Variants in USH2A observed in about 807,000 individuals in gnomAD.
The protein encoded by USH2A is usherin.
Under a neutral mutation model 538.9 loss-of-function variants are expected in USH2A, and 443 were observed. The ratio of observed to expected loss-of-function variants is 0.82; its 90% confidence interval spans 0.76 to 0.89. The LOEUF (loss-of-function observed/expected upper bound fraction) is 0.89, where lower values mean the gene tolerates loss of function less well. Ranked by LOEUF, USH2A falls within the 40% of genes least tolerant of loss-of-function variation. The probability of loss-of-function intolerance (pLI) is 0.00; values close to 1 mark genes in which losing one functional copy is unlikely to be tolerated. For synonymous variants in USH2A, 2,413 were observed against 2,273.5 expected (o/e 1.06, Z -1.75); for missense variants, 6,633 against 6,324.8 (o/e 1.05, Z -1.65).
At chr1:215,872,475 C>A (rs1170208224) in intron 43 of USH2A, among the ~76,000 whole-genome samples, 1 of 152,074 alleles carries the variant, frequency 6.6e-6, no homozygotes, top group Non-Finnish European at 1.5e-5. Flanking sequence ...ATTGTCAGAC[C>A]TAAGATAATT....
At chr1:215,679,337 G>A (rs113474140) in intron 62 of USH2A, among the ~76,000 whole-genome samples, 13 of 152,318 alleles carry the variant, frequency 8.5e-5, no homozygotes, top group African/African-American at 3.1e-4. Flanking sequence ...GCAAAGAAAA[G>A]GGTAGTGTGT....
chr1:216,267,820 T>C (rs189219165), intron 11 of USH2A, among the ~76,000 whole-genome samples: 1 of 152,248 alleles, frequency 6.6e-6, no homozygotes, highest in Admixed American at 6.5e-5. Context: ...CCAGAACCTT[T>C]TGCACCTTTA....
At chr1:216,210,502 C>G (rs1011625654) in intron 15 of USH2A, among the ~76,000 whole-genome samples, 1 of 152,188 alleles carries the variant, frequency 6.6e-6, no homozygotes, top group Non-Finnish European at 1.5e-5. Flanking sequence ...GCAGCTCAGG[C>G]AGCTGCCCTT....
intron 13 of USH2A, among the ~76,000 whole-genome samples, chr1:216,244,493 A>T (rs1307896246): frequency 3.9e-5 from 6 of 152,174 alleles, no homozygotes; most frequent in African/African-American, 1.4e-4. Flanking sequence ...AAAGAGCCAT[A>T]GATTTGGGTG....
At chr1:215,955,684 T>C (rs1239565912) in intron 37 of USH2A, among the ~76,000 whole-genome samples, 1 of 152,176 alleles carries the variant, frequency 6.6e-6, no homozygotes, top group Non-Finnish European at 1.5e-5. Flanking sequence ...TACTTTTTTT[T>C]TCATAAATAG....
chr1:215,731,586 G>A (rs1011943482), intron 60 of USH2A, among the ~76,000 whole-genome samples: 1 of 152,124 alleles, frequency 6.6e-6, no homozygotes, highest in Non-Finnish European at 1.5e-5. Flanking sequence ...TTAATTTAAT[G>A]TTGCCTAACA....
At chr1:216,362,519 T>C (rs776162325) in intron 4 of USH2A, among the ~76,000 whole-genome samples, 10 of 152,302 alleles carry the variant, frequency 6.6e-5, no homozygotes, top group African/African-American at 2.4e-4. Flanking sequence ...TTTCTGGAGG[T>C]AGCCCATTGT....
intron 55 of USH2A, among the ~76,000 whole-genome samples, chr1:215,768,085 C>T (rs1035549068): frequency 6.6e-6 from 1 of 152,206 alleles, no homozygotes. Flanking sequence ...TAATGTGTCA[C>T]TTTGTCTATT....
At position 216,422,383 on chromosome 1, in the gene USH2A, T is replaced by A; in HGVS notation, c.-47A>T. 4 of 1,612,182 alleles carry A rather than the reference T, an allele frequency of 2.5e-6. No individual in the cohort carries two copies. Among genetic ancestry groups the A allele is most frequent in the Non-Finnish European group, 3.4e-6 (4 of 1,179,432 alleles). The stretch of plus-strand genomic sequence containing the variant: ...TCCTGATAAAGCATTTCTAAATAAA[T>A]AATCAGGCCCACGCCACTTGCCAGC... On this transcript the variant is annotated 5_prime_UTR_variant, in exon 2 of 72. Coordinates refer to ENST00000307340, the MANE Select transcript of USH2A (RefSeq NM_206933.4).
Position 215,758,704 on chromosome 1 carries a change from A to C in USH2A, c.11280T>G (p.Ser3760Arg), listed in dbSNP as rs1350947236. 6.2e-7 allele frequency: 1 copy of C among 1,614,006 alleles called. No homozygotes were observed. Among genetic ancestry groups the C allele is most frequent in the Non-Finnish European group, 8.5e-7 (1 of 1,179,944 alleles). The change falls in exon 58 of 72, where the codon AGT becomes AGG. Residue 3760 changes from serine to arginine, a missense_variant. Ser to Arg is a moderately radical substitution (Grantham distance 110). Transcript: ENST00000307340. ...TAGGTGTTTGAACAATGTAATCATC[A>C]CTAGCACTGCTGCCACCTCCAGTTT... ...EVKTGGGSSA[S>R]DDYIVQTPMS... is the part of the protein sequence containing the mutation.
In USH2A at chr1:216,273,279, T is replaced by C. The variant is rs139893709; in HGVS notation, c.1971+16001A>G. ...TTCTGCTGATCCAATAGCCAGTGAC[T>C]GCAAGAGTTCTGCAGTGGGAACTGA... is the stretch of plus-strand genomic sequence containing the variant. On this transcript the variant is annotated intron_variant, in intron 11 of 71. Coordinates refer to ENST00000307340, the MANE Select transcript of USH2A (RefSeq NM_206933.4). Among the ~76,000 whole-genome samples, 1,398 of 152,204 alleles carry C rather than the reference T, an allele frequency of 9.2e-3. 6 individuals are homozygous for C. The highest frequency in any genetic ancestry group is 0.014 in the Non-Finnish European group (941 of 68,000).
chr1:216,148,253 T>C lies in USH2A; in HGVS notation c.4627+26999A>G, dbSNP rs542554247. On this transcript the variant is annotated intron_variant, in intron 21 of 71. Coordinates refer to ENST00000307340, the MANE Select transcript of USH2A (RefSeq NM_206933.4). ...CCAACTCTGGTGCCAACTTAGACAA[T>C]ACTCTTTTAAGCACTCCTTTTTAGT... Among the ~76,000 whole-genome samples the C allele has an allele frequency of 3.6e-3, 550 of 151,696 alleles. 1 individual carries two copies. Among genetic ancestry groups the C allele is most frequent in the African/African-American group, 0.013 (526 of 41,300 alleles).
At chr1:215,899,995 C>T in intron 40 of USH2A, 80 bp downstream of exon 40, 1 of 1,602,156 alleles carries the variant, frequency 6.2e-7, no homozygotes. Context: ...AGGCTCATTT[C>T]TTTGCTTTGG....
chr1:216,322,806 T>C (rs761724123), intron 8 of USH2A, among the ~76,000 whole-genome samples: 6 of 152,148 alleles, frequency 3.9e-5, no homozygotes, highest in Non-Finnish European at 8.8e-5. Flanking sequence ...TAAAGACATA[T>C]TTTATTCACA....
intron 21 of USH2A, among the ~76,000 whole-genome samples, chr1:216,156,289 TTTTTTC>T (rs1433710886): frequency 9.6e-5 from 9 of 94,228 alleles, no homozygotes; most frequent in African/African-American, 4.1e-4. Context: ...TCTTTCTTTT[TTTTTTC>T]TTTTTTTTTT....
intron 4 of USH2A, among the ~76,000 whole-genome samples, chr1:216,360,873 T>C (rs891615698): frequency 6.6e-6 from 1 of 152,052 alleles, no homozygotes; most frequent in African/African-American, 2.4e-5. Flanking sequence ...TTCTCCTAAA[T>C]ACAAATGAGT....
chr1:215,751,739 G>A (rs1040930818), intron 58 of USH2A, among the ~76,000 whole-genome samples: 1 of 152,072 alleles, frequency 6.6e-6, no homozygotes, highest in Non-Finnish European at 1.5e-5. Flanking sequence ...GCTGGTAAAA[G>A]GTGAGAGGGA....
chr1:216,166,283 A>G (rs1217307236), intron 21 of USH2A, among the ~76,000 whole-genome samples: 1 of 152,072 alleles, frequency 6.6e-6, no homozygotes, highest in East Asian at 1.9e-4. Context: ...AATATGTTCA[A>G]AGAGATGGGC....
chr1:216,218,102 C>G (rs1157149278), intron 14 of USH2A, among the ~76,000 whole-genome samples: 2 of 151,960 alleles, frequency 1.3e-5, no homozygotes, highest in African/African-American at 4.8e-5. Context: ...ATTTTTGATG[C>G]CTTAATATGG....
Sources: gnomAD v4.1 joint callset for allele counts (sites outside exome capture counted in the v4.1 genomes callset) on GRCh38, gnomAD v4.1.1 for gene constraint, MANE v1.5 for transcripts, NCBI Gene and HGNC (gene_info 2026-07-23, HGNC 2026-07-21) for gene names.